The following ABCB11 variants were observed in gnomAD, a reference collection of about 807,000 sequenced individuals.
ABCB11 encodes the protein ATP binding cassette subfamily B member 11.
A neutral mutation model predicts 148.0 loss-of-function variants in ABCB11; 95 were observed. The ratio of observed to expected loss-of-function variants is 0.64; its 90% confidence interval spans 0.54 to 0.76. ABCB11 has a LOEUF of 0.76. Among genes scored for constraint, ABCB11 ranks in the 30% least tolerant of loss-of-function variants. The probability of loss-of-function intolerance (pLI) is 0.00; values close to 1 mark genes in which losing one functional copy is unlikely to be tolerated. For synonymous variants in ABCB11, 591 were observed against 555.4 expected, an observed-to-expected ratio of 1.06 and a Z score of -0.90; for missense variants, 1,523 against 1,617.8, an observed-to-expected ratio of 0.94 and a Z score of 1.01.
chr2:169,018,078 C>T lies in ABCB11; in HGVS notation c.48G>A (p.Glu16=), dbSNP rs768192083. The change falls in exon 2 of 28, where the codon GAG becomes GAA. Residue 16 remains glutamate (E), a synonymous_variant. Transcript: ENST00000650372. The stretch of plus-strand genomic sequence containing the variant: ...ATTTATCTGACTCAAAACCATCATT[C>T]TCCTCTCCAAATTTCTTTATACTTC... The part of the protein sequence containing the change: ...ILRSIKKFGE[E]NDGFESDKSY... The T allele has an allele frequency of 5.2e-5, 84 of 1,613,508 alleles. No homozygotes were observed. Among genetic ancestry groups the T allele is most frequent in the Admixed American group, 3.2e-4 (19 of 59,948 alleles).
At chr2:169,006,763 T>C (rs1345467823) in intron 5 of ABCB11, among the ~76,000 whole-genome samples, 2 of 152,062 alleles carry the variant, frequency 1.3e-5, no homozygotes, top group African/African-American at 2.4e-5. Flanking sequence ...ATAGTAGCAA[T>C]GGGCAAACTG....
intron 21 of ABCB11, 104 bp downstream of exon 21, chr2:168,944,501 A>G (rs1692210882): frequency 1.6e-6 from 2 of 1,279,882 alleles, no homozygotes; most frequent in South Asian, 3.1e-5. Context: ...TCCCAATCCC[A>G]CTGGTCCCTA....
chr2:168,922,051 A>G lies in ABCB11; in HGVS notation c.*1571T>C, dbSNP rs567645284. 1.3e-3 allele frequency among the ~76,000 whole-genome samples: 198 copies of G among 151,772 alleles called. No homozygotes were observed. Among genetic ancestry groups the G allele is most frequent in the Non-Finnish European group, 2.5e-3 (170 of 67,926 alleles). ...TTTTTAGTAGAGACGGGGTTTCACC[A>G]TGTTAGCCAGGATGGTCTCAATCTC... On this transcript the variant is annotated 3_prime_UTR_variant, in exon 28 of 28. Coordinates refer to ENST00000650372, the MANE Select transcript of ABCB11 (RefSeq NM_003742.4).
chr2:168,993,004 G>A (rs1285293027), intron 8 of ABCB11, among the ~76,000 whole-genome samples: 2 of 151,946 alleles, frequency 1.3e-5, no homozygotes, highest in Non-Finnish European at 2.9e-5. Context: ...CTCAGTCCTT[G>A]GGAGTGTTTT....
chr2:168,926,462 C>T (rs1691317155), intron 26 of ABCB11, among the ~76,000 whole-genome samples: 1 of 151,996 alleles, frequency 6.6e-6, no homozygotes, highest in African/African-American at 2.4e-5. Context: ...GATAATTGTC[C>T]CAAAGCTATG....
chr2:169,008,097 C>A (rs1486105898), intron 5 of ABCB11, among the ~76,000 whole-genome samples: 5 of 152,150 alleles, frequency 3.3e-5, no homozygotes, highest in Non-Finnish European at 7.4e-5. Flanking sequence ...CAGAGAAATG[C>A]AAATCAAAAC....
intron 5 of ABCB11, among the ~76,000 whole-genome samples, chr2:169,000,335 A>G (rs1301112135): frequency 6.6e-6 from 1 of 152,056 alleles, no homozygotes; most frequent in African/African-American, 2.4e-5. Context: ...TTTTCCCTTT[A>G]TGAATTGTGC....
At chr2:168,988,519 A>G (rs1162522328) in intron 9 of ABCB11, among the ~76,000 whole-genome samples, 2 of 152,140 alleles carry the variant, frequency 1.3e-5, no homozygotes, top group African/African-American at 4.8e-5. Context: ...TTGTCTGTTA[A>G]TGGGTGCTTA....
intron 10 of ABCB11, among the ~76,000 whole-genome samples, chr2:168,980,270 C>G (rs1295789243): frequency 6.6e-6 from 1 of 152,068 alleles, no homozygotes; most frequent in Non-Finnish European, 1.5e-5. Context: ...AGCAAGGTAG[C>G]CTGTAGACCC....
At chr2:168,972,626 A>G (rs151037046) in intron 13 of ABCB11, among the ~76,000 whole-genome samples, 258 of 152,212 alleles carry the variant, frequency 1.7e-3, no homozygotes, top group African/African-American at 5.8e-3. Context: ...GGTAGGTAGT[A>G]AAGAATACCC....
In ABCB11 at chr2:168,964,311, G is replaced by C; in HGVS notation, c.2076-3C>G. Reference sequence around the variant, plus strand: ...TGGAGCGTTGCCGGATGGAAGCCCTGTAAATAAACAGAAAGATGAAACAGT... The same window carrying C: ...TGGAGCGTTGCCGGATGGAAGCCCTCTAAATAAACAGAAAGATGAAACAGT... On this transcript the variant is annotated splice_region_variant and splice_polypyrimidine_tract_variant and intron_variant, in intron 17 of 27. Coordinates refer to ENST00000650372, the MANE Select transcript of ABCB11 (RefSeq NM_003742.4). The C allele has an allele frequency of 6.4e-7, 1 of 1,556,306 alleles. No homozygotes were observed. Among genetic ancestry groups the C allele is most frequent in the Non-Finnish European group, 8.7e-7 (1 of 1,148,268 alleles).
At chr2:168,983,957 G>A (rs1694224972) in intron 10 of ABCB11, among the ~76,000 whole-genome samples, 1 of 152,036 alleles carries the variant, frequency 6.6e-6, no homozygotes, top group African/African-American at 2.4e-5. Flanking sequence ...AGAAACGGGT[G>A]GGCACAAGTG....
intron 11 of ABCB11, among the ~76,000 whole-genome samples, chr2:168,978,113 T>C (rs1259453782): frequency 4.7e-5 from 7 of 149,402 alleles, no homozygotes; most frequent in East Asian, 3.9e-4. Flanking sequence ...AAGAAAGAGG[T>C]AGAATTTGAA....
chr2:168,998,689 C>T (rs1327112067), intron 5 of ABCB11, among the ~76,000 whole-genome samples: 1 of 152,094 alleles, frequency 6.6e-6, no homozygotes, highest in Non-Finnish European at 1.5e-5. Context: ...TGCCAGTTTA[C>T]AAACATATGT....
chr2:169,010,304 A>AT (rs200778659), intron 5 of ABCB11, among the ~76,000 whole-genome samples: 5 of 152,124 alleles, frequency 3.3e-5, no homozygotes, highest in African/African-American at 9.7e-5. Flanking sequence ...ATCTGCTTTC[A>AT]TTTTTTTATC....
chr2:169,021,513 T>C (rs181158046), intron 1 of ABCB11, among the ~76,000 whole-genome samples: 1 of 152,082 alleles, frequency 6.6e-6, no homozygotes, highest in African/African-American at 2.4e-5. Context: ...TAACACAACA[T>C]AGCCTGCAAC....
At chr2:168,995,506 T>C (rs760496039) in intron 6 of ABCB11, 24 bp from the exon 7 acceptor site, 9 of 1,601,930 alleles carry the variant, frequency 5.6e-6, no homozygotes, top group Non-Finnish European at 6.8e-6. Context: ...AAGGAATGTT[T>C]AGCATTGCAA....
At position 168,922,757 on chromosome 2, in the gene ABCB11, C is replaced by G. The variant is rs989862046; in HGVS notation, c.*865G>C. Among the ~76,000 whole-genome samples the G allele has an allele frequency of 6.6e-6, 1 of 152,158 alleles. No individual in the cohort carries two copies. Among genetic ancestry groups the G allele is most frequent in the African/African-American group, 2.4e-5 (1 of 41,432 alleles). ...AATGAGTGCTTTTCTGCCATATTTA[C>G]TTGCTTTTTTGTATAAAACCTTATG... On this transcript the variant is annotated 3_prime_UTR_variant, in exon 28 of 28. Transcript: ENST00000650372.
chr2:168,960,957 T>C (rs1693045585), intron 18 of ABCB11, among the ~76,000 whole-genome samples: 1 of 136,138 alleles, frequency 7.3e-6, no homozygotes, highest in East Asian at 2.3e-4. Flanking sequence ...ACTGGCAGGT[T>C]GCACAGCACT....
Sources: allele counts gnomAD v4.1 joint callset (sites outside exome capture counted in the v4.1 genomes callset), GRCh38; gene constraint gnomAD v4.1.1; transcripts MANE v1.5; gene names NCBI Gene and HGNC (gene_info 2026-07-23, HGNC 2026-07-21).